CREB3L1: variants seen among roughly 807,000 people sequenced by gnomAD.
CREB3L1 encodes the protein cyclic AMP-responsive element-binding protein 3-like protein 1.
A neutral mutation model predicts 54.5 loss-of-function variants in CREB3L1; 33 were observed. The observed-to-expected ratio is 0.61, with a 90% confidence interval of 0.46 to 0.81. The LOEUF (loss-of-function observed/expected upper bound fraction) is 0.81. Ranked by LOEUF, CREB3L1 falls within the 30% of genes least tolerant of loss-of-function variation. CREB3L1 has a pLI of 0.00. For synonymous variants in CREB3L1, 284 were observed against 286.4 expected, an observed-to-expected ratio of 0.99 and a Z score of 0.08; for missense variants, 656 against 673.3, an observed-to-expected ratio of 0.97 and a Z score of 0.29.
chr11:46,301,680 G>A (rs1285966320), intron 2 of CREB3L1, among the ~76,000 whole-genome samples: 2 of 149,766 alleles, frequency 1.3e-5, no homozygotes, highest in African/African-American at 2.5e-5. Context: ...AAAAATAGAC[G>A]GGGTGCTGTG....
At chr11:46,316,752 G>A (rs1341523835) in intron 9 of CREB3L1, among the ~76,000 whole-genome samples, 1 of 152,148 alleles carries the variant, frequency 6.6e-6, no homozygotes, top group Non-Finnish European at 1.5e-5. Context: ...GGAACAGATG[G>A]CAGTGAAAAG....
chr11:46,319,087 A>T (rs1482939892), intron 10 of CREB3L1, among the ~76,000 whole-genome samples: 1 of 152,186 alleles, frequency 6.6e-6, no homozygotes, highest in Non-Finnish European at 1.5e-5. Context: ...GCTGGGGTTG[A>T]TGGATAAAGC....
At chr11:46,318,756 A>G (rs1329205990) in intron 10 of CREB3L1, among the ~76,000 whole-genome samples, 1 of 152,196 alleles carries the variant, frequency 6.6e-6, no homozygotes, top group Non-Finnish European at 1.5e-5. Flanking sequence ...GTCTGGCAGG[A>G]CAGGAGGAGG....
intron 1 of CREB3L1, among the ~76,000 whole-genome samples, chr11:46,291,849 G>A (rs1296243598): frequency 6.6e-6 from 1 of 152,182 alleles, no homozygotes; most frequent in Non-Finnish European, 1.5e-5. Flanking sequence ...AATAAGGAGA[G>A]AGAATACCAC....
At chr11:46,300,231 G>C in intron 2 of CREB3L1, 68 bp downstream of exon 2, 1 of 1,253,246 alleles carries the variant, frequency 8.0e-7, no homozygotes, top group Non-Finnish European at 1.1e-6. Context: ...GCTCTGGGGT[G>C]ACAAGAGAGT....
chr11:46,318,378 C>A (rs1375295249), intron 10 of CREB3L1, among the ~76,000 whole-genome samples: 1 of 152,138 alleles, frequency 6.6e-6, no homozygotes, highest in African/African-American at 2.4e-5. Flanking sequence ...TGGTTAGGAG[C>A]ATGGGGATGT....
chr11:46,280,199 T>TTTTG (rs1343101872), intron 1 of CREB3L1, among the ~76,000 whole-genome samples: 29 of 151,014 alleles, frequency 1.9e-4, no homozygotes, highest in African/African-American at 6.3e-4. Context: ...TGTTTTTTGT[T>TTTTG]TTTTTTCAGA....
rs1341069198 is a variant in CREB3L1, at chr11:46,278,637, G to T, written c.102+424G>T. Among the ~76,000 whole-genome samples the T allele has an allele frequency of 6.6e-6, 1 of 152,212 alleles. No individual in the cohort carries two copies. The highest frequency in any genetic ancestry group is 2.4e-5 in the African/African-American group (1 of 41,454). On this transcript the variant is annotated intron_variant, in intron 1 of 11. Coordinates refer to ENST00000621158, the MANE Select transcript of CREB3L1 (RefSeq NM_052854.4). The surrounding 1 kb of genome is among the most constrained non-coding windows in gnomAD (Gnocchi z 4.2). ...TCCGCTGGGGGGCGCACCGGGGAAC[G>T]TTCAGAGGGCCTGAGACCCGACCCC... is the stretch of plus-strand genomic sequence containing the variant.
At chr11:46,281,076 C>T (rs917437428) in intron 1 of CREB3L1, among the ~76,000 whole-genome samples, 5 of 152,184 alleles carry the variant, frequency 3.3e-5, no homozygotes, top group Non-Finnish European at 7.3e-5. Flanking sequence ...TTGGAGGTGG[C>T]TGGGCTGCCT....
Position 46,307,960 on chromosome 11 carries a change from TG to T in CREB3L1, c.479del (p.Gly160AlafsTer18). The T allele has an allele frequency of 6.4e-7, 1 of 1,564,558 alleles. No individual in the cohort carries two copies. The highest frequency in any genetic ancestry group is 8.6e-7 in the Non-Finnish European group (1 of 1,157,036). Reference protein sequence around the residue: ...AAAAMATTPLLGLSPLSRLPI... With the variant: ...AAAAMATTPLXGLSPLSRLPI... The stretch of plus-strand genomic sequence containing the variant: ...GCCGCCATGGCCACCACCCCGCTGC[TG>T]GGCCTCAGCCCCTTGTCCAGGCTGC... On this transcript the variant is annotated frameshift_variant, in exon 3 of 12. Transcript: ENST00000621158. LOFTEE classifies it high-confidence loss of function.
intron 1 of CREB3L1, among the ~76,000 whole-genome samples, chr11:46,298,291 A>C (rs1939242467): frequency 6.6e-6 from 1 of 152,186 alleles, no homozygotes. Flanking sequence ...CCCTGGCACA[A>C]GCCTTTAACC....
intron 1 of CREB3L1, among the ~76,000 whole-genome samples, chr11:46,296,331 G>T (rs1227206823): frequency 6.6e-6 from 1 of 152,080 alleles, no homozygotes; most frequent in Non-Finnish European, 1.5e-5. Context: ...GAGAGGACCA[G>T]AAGGTCCCGC....
chr11:46,319,707 C>T (rs780412305), intron 10 of CREB3L1, among the ~76,000 whole-genome samples: 44 of 151,896 alleles, frequency 2.9e-4, no homozygotes, highest in Non-Finnish European at 4.0e-4. Context: ...GGTGAAACCC[C>T]GTCTCTACTA....
intron 1 of CREB3L1, among the ~76,000 whole-genome samples, chr11:46,280,249 G>A (rs1453375590): frequency 2.7e-5 from 4 of 150,300 alleles, no homozygotes; most frequent in Non-Finnish European, 4.4e-5. Context: ...GTGCAGTGGC[G>A]CGATCTCGGC....
intron 2 of CREB3L1, among the ~76,000 whole-genome samples, chr11:46,306,428 A>T (rs1198056546): frequency 1.3e-5 from 2 of 152,102 alleles, no homozygotes; most frequent in East Asian, 3.9e-4. Context: ...CAATTGAGCC[A>T]GGAAGGTCAA....
At position 46,321,069 on chromosome 11, in the gene CREB3L1, C is replaced by T. The variant is rs1347004680; in HGVS notation, c.*323C>T. On this transcript the variant is annotated 3_prime_UTR_variant, in exon 12 of 12. Transcript: ENST00000621158. ...ACCTGCACCCAAACAGACACATCAA[C>T]GCACCCCACTCACAGACACCCCTTA... The T allele has an allele frequency of 1.6e-5, 9 of 565,054 alleles. No individual in the cohort carries two copies. Among genetic ancestry groups the T allele is most frequent in the East Asian group, 1.2e-4 (4 of 32,832 alleles). The allele number at this position is 565,054 out of a possible 1,614,324, so 35.0% of individuals were successfully genotyped here.
chr11:46,311,306 A>G lies in CREB3L1; in HGVS notation c.753+117A>G, dbSNP rs891602843. The G allele has an allele frequency of 7.1e-6, 9 of 1,275,002 alleles. No homozygotes were observed. In the African/African-American group the frequency reaches 1.4e-4, roughly 20 times the overall value. The allele number at this position is 1,275,002 out of a possible 1,614,324, so 79.0% of individuals were successfully genotyped here. On this transcript the variant is annotated intron_variant, in intron 5 of 11. Transcript: ENST00000621158. ...CGAGACTGATCCCCACCCTCATCAG[A>G]ATTCAGAGGGATGCTTACCTGGCAG...
In CREB3L1 at chr11:46,300,091, A is replaced by G. The variant is rs763433703; in HGVS notation, c.259A>G (p.Ser87Gly). 2 of 1,613,802 alleles carry G rather than the reference A, an allele frequency of 1.2e-6. No homozygotes were observed. Among genetic ancestry groups the G allele is most frequent in the South Asian group, 2.2e-5 (2 of 91,070 alleles). Residue 87 changes from serine (S) to glycine (G), a missense_variant, in exon 2 of 12, where the codon AGC becomes GGC. By Grantham distance (56) the Ser-to-Gly change is moderately conservative. This residue lies in a region of CREB3L1 where 339 missense variants were observed against 331.5 expected (regional missense o/e 1.02). Coordinates refer to ENST00000621158, the MANE Select transcript of CREB3L1 (RefSeq NM_052854.4). Reference sequence around the variant, plus strand: ...TACGCCAGGCATCCAGGCGGAGCACAGCTACTCCCTGAGCGGCGACTCAGC... The same window carrying G: ...TACGCCAGGCATCCAGGCGGAGCACGGCTACTCCCTGAGCGGCGACTCAGC... ...SPTPGIQAEH[S>G]YSLSGDSAPQ... is the part of the protein sequence containing the mutation.
intron 1 of CREB3L1, among the ~76,000 whole-genome samples, chr11:46,284,605 G>T (rs1939028909): frequency 1.3e-5 from 2 of 149,736 alleles, no homozygotes; most frequent in Middle Eastern, 3.4e-3. Context: ...AGTGAGCCAA[G>T]ATCGCACCAT....
Sources: gnomAD v4.1 joint callset for allele counts (sites outside exome capture counted in the v4.1 genomes callset) on GRCh38, gnomAD v4.1.1 for gene constraint, gnomAD v4.1.1 regional missense constraint, Gnocchi (gnomAD v3.1) non-coding constraint, MANE v1.5 for transcripts, NCBI Gene and HGNC (gene_info 2026-07-23, HGNC 2026-07-21) for gene names.